The following SNAP91 variants were observed in gnomAD, a reference collection of about 807,000 sequenced individuals.
SNAP91 encodes clathrin coat assembly protein AP180.
A neutral mutation model predicts 100.3 loss-of-function variants in SNAP91; 27 were observed. The observed-to-expected ratio is 0.27, with a 90% CI of 0.20 to 0.37. The LOEUF (loss-of-function observed/expected upper bound fraction) is 0.37. SNAP91 is among the 10% of genes least tolerant of loss of function. The pLI is 1.00. For missense variants in SNAP91, 986 were observed against 1,123.7 expected, an observed-to-expected ratio of 0.88 and a Z score of 1.75; for synonymous variants, 404 against 398.6, an observed-to-expected ratio of 1.01 and a Z score of -0.16.
At chr6:83,610,596 G>A in intron 12 of SNAP91, 54 bp downstream of exon 12, 2 of 568,200 alleles carry the variant, frequency 3.5e-6, no homozygotes, top group Non-Finnish European at 6.6e-6. Flanking sequence ...CTTTATGATG[G>A]TAAAATGGTA....
At chr6:83,591,093 T>A in intron 22 of SNAP91, 118 bp downstream of exon 22, 2 of 667,008 alleles carry the variant, frequency 3.0e-6, no homozygotes, top group Non-Finnish European at 5.1e-6. Context: ...TCCCTCAATT[T>A]TATGTCTTGA....
In SNAP91 at chr6:83,659,026, T is replaced by C. The variant is rs770374404; in HGVS notation, c.519A>G (p.Gly173=). The change falls in exon 6 of 30, where the codon GGA becomes GGG. Residue 173 remains glycine, a synonymous_variant. Transcript: ENST00000369694. ...KLLKSMPILQ[G]QIDALLEFDV... is the part of the protein sequence containing the mutation. ...CAAATTCAAGCAGTGCATCAATTTG[T>C]CCCTGTAGTATTGGCATACTCTTTA... 1.2e-6 allele frequency: 2 copies of C among 1,608,284 alleles called. No individual in the cohort carries two copies. Among genetic ancestry groups the C allele is most frequent in the Non-Finnish European group, 1.7e-6 (2 of 1,177,270 alleles).
At chr6:83,597,687 C>T (rs2094626952) in intron 16 of SNAP91, among the ~76,000 whole-genome samples, 1 of 152,130 alleles carries the variant, frequency 6.6e-6, no homozygotes, top group African/African-American at 2.4e-5. Context: ...AATCTAAGAG[C>T]TGTTGTTTCC....
At chr6:83,621,321 A>G (rs1185105230) in intron 9 of SNAP91, among the ~76,000 whole-genome samples, 1 of 152,156 alleles carries the variant, frequency 6.6e-6, no homozygotes, top group Admixed American at 6.5e-5. Flanking sequence ...ATAGTATCCC[A>G]TGGTGTATAT....
In SNAP91 at chr6:83,575,038, G is replaced by T; in HGVS notation, c.2414C>A (p.Ser805Ter). Residue 805 changes from serine (S) to a stop codon, truncating the protein, a stop_gained, in exon 26 of 30, where the codon TCA becomes TAA. Coordinates refer to ENST00000369694, the MANE Select transcript of SNAP91 (RefSeq NM_001242792.2). LOFTEE classifies it high-confidence loss of function. ...WQPKVAPATW[S>*]AGVPPSAPLQ... ...AGGTGCACTTGGTGGAACGCCTGCTGACCAGGTTGCTGGAGCTACTTTAGG... is the reference window on the plus strand; with the variant it reads ...AGGTGCACTTGGTGGAACGCCTGCTTACCAGGTTGCTGGAGCTACTTTAGG... 6.2e-7 allele frequency: 1 copy of T among 1,600,846 alleles called. No individual in the cohort carries two copies. The highest frequency in any genetic ancestry group is 1.1e-5 in the South Asian group (1 of 88,394).
intron 22 of SNAP91, 52 bp downstream of exon 22, chr6:83,591,159 T>C (rs2093691293): frequency 8.4e-7 from 1 of 1,183,806 alleles, no homozygotes; most frequent in Non-Finnish European, 1.3e-6. Flanking sequence ...TTGTTACTTA[T>C]AAAAATATAT....
chr6:83,575,051 G>C lies in SNAP91; in HGVS notation c.2401C>G (p.Pro801Ala). The change falls in exon 26 of 30, where the codon CCA becomes GCA. Residue 801 changes from proline (P) to alanine (A), a missense_variant. Transcript: ENST00000369694. ...GGAACGCCTGCTGACCAGGTTGCTG[G>C]AGCTACTTTAGGCTGCCAGTTGGCT... is the stretch of plus-strand genomic sequence containing the variant. ...GGANWQPKVA[P>A]ATWSAGVPPS... 1 of 1,603,972 alleles carries C rather than the reference G, an allele frequency of 6.2e-7. No homozygotes were observed. The highest frequency in any genetic ancestry group is 8.5e-7 in the Non-Finnish European group (1 of 1,175,074).
At chr6:83,686,176 GT>G (rs1027760131) in intron 2 of SNAP91, 1 of 985,274 alleles carries the variant, frequency 1.0e-6, no homozygotes, top group African/African-American at 1.7e-5. Flanking sequence ...AATCAACACT[GT>G]TTTTTGTTTT....
chr6:83,614,906 TTAAC>T (rs2096389485), intron 10 of SNAP91, 44 bp from the exon 11 acceptor site: 1 of 1,517,478 alleles, frequency 6.6e-7, no homozygotes, highest in East Asian at 2.3e-5. Context: ...AAGAGAATAG[TTAAC>T]TATTATAGTT....
chr6:83,619,883 A>G (rs2096644569), intron 9 of SNAP91, among the ~76,000 whole-genome samples: 1 of 152,184 alleles, frequency 6.6e-6, no homozygotes, highest in Non-Finnish European at 1.5e-5. Flanking sequence ...CATCATTAAA[A>G]CCAAATTTAA....
intron 7 of SNAP91, among the ~76,000 whole-genome samples, chr6:83,649,780 G>C (rs1192757769): frequency 1.3e-5 from 2 of 151,670 alleles, no homozygotes; most frequent in Non-Finnish European, 2.9e-5. Flanking sequence ...GTAGAGATGG[G>C]GTTTCACCAG....
rs557929080 is a variant in SNAP91 at position 83,614,965 on chromosome 6, T to A, written c.879-103A>T. ...GGAATAAGCAAAAGACAAGTTCAAATGTGGTTTTAGCCAATTCAGAAGAGA... is the reference window on the plus strand; with the variant it reads ...GGAATAAGCAAAAGACAAGTTCAAAAGTGGTTTTAGCCAATTCAGAAGAGA... On this transcript the variant is annotated intron_variant, in intron 10 of 29. Coordinates refer to ENST00000369694, the MANE Select transcript of SNAP91 (RefSeq NM_001242792.2). 3.4e-4 allele frequency: 323 copies of A among 955,202 alleles called. 1 individual carries two copies. In the African/African-American group the frequency reaches 4.9e-3, roughly 14 times the overall value. 59.2% of individuals were successfully genotyped at this position (955,202 alleles called of 1,614,324 possible). A position where few individuals can be genotyped will look rare whatever the true frequency, so the allele number is the denominator to read the frequency against.
At chr6:83,565,988 A>T (rs779712159) in intron 26 of SNAP91, among the ~76,000 whole-genome samples, 8 of 152,190 alleles carry the variant, frequency 5.3e-5, no homozygotes, top group Non-Finnish European at 1.0e-4. Context: ...ATATACGCTC[A>T]TATGGAAACT....
At chr6:83,644,128 C>A (rs1361871427) in intron 7 of SNAP91, among the ~76,000 whole-genome samples, 2 of 152,122 alleles carry the variant, frequency 1.3e-5, no homozygotes, top group African/African-American at 4.8e-5. Context: ...TGCATCTGAT[C>A]TTCAGCAATA....
rs144404007 is a variant in SNAP91, at chr6:83,655,231, C to T, written c.658+1523G>A. On this transcript the variant is annotated intron_variant, in intron 7 of 29. Coordinates refer to ENST00000369694, the MANE Select transcript of SNAP91 (RefSeq NM_001242792.2). ...TGTAAAAGAGAAATTTTGTACCTTG[C>T]ACTCTTTGTAACTAAAAAGAGGCAG... Among the ~76,000 whole-genome samples the T allele has an allele frequency of 3.1e-3, 467 of 152,286 alleles. 4 individuals carry two copies. Among genetic ancestry groups the T allele is most frequent in the African/African-American group, 0.011 (449 of 41,566 alleles).
At chr6:83,584,767 T>C (rs9283801) in intron 22 of SNAP91, among the ~76,000 whole-genome samples, 83,219 of 152,050 alleles carry the variant, frequency 0.55, 23,853 homozygotes, top group African/African-American at 0.71. Flanking sequence ...TCAGAGATGT[T>C]AGATAATTTG....
At chr6:83,698,187 T>C (rs957279267) in intron 2 of SNAP91, among the ~76,000 whole-genome samples, 2 of 151,704 alleles carry the variant, frequency 1.3e-5, no homozygotes, top group Admixed American at 6.6e-5. Context: ...AAACAAAGAA[T>C]AGGAAAATAG....
chr6:83,588,061 C>CAA (rs1182071433), intron 22 of SNAP91, among the ~76,000 whole-genome samples: 1 of 32 alleles, frequency 0.031, no homozygotes, highest in Non-Finnish European at 0.062. Flanking sequence ...CTCCTGACTT[C>CAA]AAGTGATCCT....
chr6:83,696,832 C>T (rs1272119465), intron 2 of SNAP91, among the ~76,000 whole-genome samples: 2 of 152,132 alleles, frequency 1.3e-5, no homozygotes, highest in Non-Finnish European at 2.9e-5. Context: ...TGCCAAAGGC[C>T]ATGCATATCT....
Sources: gnomAD v4.1 joint callset for allele counts (sites outside exome capture counted in the v4.1 genomes callset) on GRCh38, gnomAD v4.1.1 for gene constraint, MANE v1.5 for transcripts, NCBI Gene and HGNC (gene_info 2026-07-23, HGNC 2026-07-21) for gene names.